Variants in SMYD3 observed in about 807,000 individuals in gnomAD.
SMYD3 encodes the protein SET and MYND domain containing 3, also known as histone-lysine N-methyltransferase SMYD3.
A neutral mutation model predicts 57.7 loss-of-function variants in SMYD3; 36 were observed. That is an observed-to-expected ratio of 0.62 (90% CI 0.48 to 0.82). The LOEUF (loss-of-function observed/expected upper bound fraction) is 0.82, where lower values mean the gene tolerates loss of function less well. Among genes scored for constraint, SMYD3 ranks in the 40% least tolerant of loss-of-function variants. The pLI, the probability that SMYD3 is intolerant of heterozygous loss-of-function variation, is 0.00. For missense variants in SMYD3, 515 were observed against 538.8 expected (o/e 0.96, Z 0.44); for synonymous variants, 211 against 195.0 (o/e 1.08, Z -0.68).
intron 8 of SMYD3, among the ~76,000 whole-genome samples, chr1:245,895,162 C>T (rs1461709828): frequency 1.7e-5 from 2 of 118,652 alleles, no homozygotes; most frequent in African/African-American, 6.6e-5. Context: ...TCAGTAACTC[C>T]CTTCCTTGAT....
chr1:246,456,163 T>C (rs1478205389), intron 1 of SMYD3, among the ~76,000 whole-genome samples: 1 of 152,188 alleles, frequency 6.6e-6, no homozygotes, highest in Admixed American at 6.5e-5. Context: ...ATTCTCCCTG[T>C]TTCTAAGCTG....
intron 5 of SMYD3, among the ~76,000 whole-genome samples, chr1:246,118,284 A>C (rs10127447): frequency 0.47 from 71,671 of 151,950 alleles, 20,855 homozygotes; most frequent in Non-Finnish European, 0.66. Context: ...TTATTCAAAG[A>C]GTGGGAAATA....
At chr1:245,906,520 G>A (rs2054573060) in intron 8 of SMYD3, among the ~76,000 whole-genome samples, 1 of 152,130 alleles carries the variant, frequency 6.6e-6, no homozygotes, top group Non-Finnish European at 1.5e-5. Context: ...TGGAGAAAAG[G>A]GAACCCTTGT....
intron 5 of SMYD3, among the ~76,000 whole-genome samples, chr1:246,012,857 G>A (rs993532313): frequency 5.3e-5 from 8 of 152,092 alleles, no homozygotes; most frequent in Non-Finnish European, 8.8e-5. Flanking sequence ...GCACACTTTG[G>A]GCAAATGACT....
chr1:245,796,185 A>G (rs1247364987), intron 10 of SMYD3, among the ~76,000 whole-genome samples: 2 of 152,240 alleles, frequency 1.3e-5, no homozygotes, highest in African/African-American at 4.8e-5. Flanking sequence ...GTTTCTTTTC[A>G]GGACTCAGAT....
chr1:246,387,065 T>C (rs1480171157), intron 1 of SMYD3, among the ~76,000 whole-genome samples: 5 of 152,154 alleles, frequency 3.3e-5, no homozygotes, highest in Non-Finnish European at 5.9e-5. Flanking sequence ...AGCAGACTGC[T>C]TTGCACACGG....
intron 5 of SMYD3, among the ~76,000 whole-genome samples, chr1:246,178,406 G>GCCC: frequency 6.6e-6 from 1 of 152,242 alleles, no homozygotes; most frequent in Non-Finnish European, 1.5e-5. Flanking sequence ...TCCTAGACCG[G>GCCC]GAGTCATTTA....
chr1:246,494,906 T>C (rs1017132000), intron 1 of SMYD3, among the ~76,000 whole-genome samples: 6 of 152,196 alleles, frequency 3.9e-5, no homozygotes, highest in African/African-American at 1.4e-4. Context: ...TTATAGATAT[T>C]ATAAGCAGTT....
chr1:245,794,610 G>A (rs778887140), intron 10 of SMYD3, among the ~76,000 whole-genome samples: 12 of 152,196 alleles, frequency 7.9e-5, no homozygotes, highest in Non-Finnish European at 1.8e-4. Context: ...CTGGTCATTC[G>A]TTCTACTCTT....
intron 10 of SMYD3, among the ~76,000 whole-genome samples, chr1:245,767,508 A>G (rs2046167162): frequency 6.6e-6 from 1 of 152,194 alleles, no homozygotes; most frequent in African/African-American, 2.4e-5. Context: ...ATATGTGTGA[A>G]ACCACACAAT....
At chr1:246,367,763 T>C (rs1391054656) in intron 1 of SMYD3, among the ~76,000 whole-genome samples, 1 of 152,142 alleles carries the variant, frequency 6.6e-6, no homozygotes, top group African/African-American at 2.4e-5. Context: ...AAGTGAGGAA[T>C]GTATCAGTCA....
intron 5 of SMYD3, among the ~76,000 whole-genome samples, chr1:246,113,212 T>G (rs1446874522): frequency 8.3e-6 from 1 of 119,894 alleles, no homozygotes; most frequent in African/African-American, 4.7e-5. Context: ...AATAAATAAA[T>G]AAATAAATAA....
intron 10 of SMYD3, among the ~76,000 whole-genome samples, chr1:245,807,813 G>GA (rs35324111): frequency 0.011 from 1,236 of 111,468 alleles, 9 homozygotes; most frequent in African/African-American, 0.012. Flanking sequence ...ATTTCCCAGG[G>GA]AAAAAAAAAA....
chr1:246,481,260 C>T (rs2068095679), intron 1 of SMYD3, among the ~76,000 whole-genome samples: 1 of 151,922 alleles, frequency 6.6e-6, no homozygotes, highest in South Asian at 2.1e-4. Flanking sequence ...CCACAAGATG[C>T]CCAGATATGT....
chr1:246,302,707 T>C (rs1194060916), intron 5 of SMYD3, among the ~76,000 whole-genome samples: 5 of 152,120 alleles, frequency 3.3e-5, no homozygotes, highest in Admixed American at 6.6e-5. Context: ...ATTACTGCGA[T>C]GTGGAAACTG....
At chr1:246,393,981 A>G (rs1468144531) in intron 1 of SMYD3, among the ~76,000 whole-genome samples, 1 of 152,258 alleles carries the variant, frequency 6.6e-6, no homozygotes. Flanking sequence ...ATTTTTCCAC[A>G]TGAATTCCAT....
intron 5 of SMYD3, among the ~76,000 whole-genome samples, chr1:246,258,338 C>A (rs12136593): frequency 6.6e-6 from 1 of 151,938 alleles, no homozygotes; most frequent in African/African-American, 2.4e-5. Context: ...CCTGGCCTCA[C>A]GTATTTCTTT....
intron 5 of SMYD3, among the ~76,000 whole-genome samples, chr1:246,272,691 T>G (rs2064245401): frequency 6.6e-6 from 1 of 152,208 alleles, no homozygotes; most frequent in African/African-American, 2.4e-5. Context: ...TTTGCTAGTA[T>G]TCTGTTGAAA....
intron 5 of SMYD3, among the ~76,000 whole-genome samples, chr1:246,137,872 G>A (rs891091807): frequency 6.6e-6 from 1 of 152,062 alleles, no homozygotes; most frequent in Non-Finnish European, 1.5e-5. Context: ...GTTTTGGAAT[G>A]GCTCTTTGGT....
Sources: allele counts gnomAD v4.1 joint callset (sites outside exome capture counted in the v4.1 genomes callset), GRCh38; gene constraint gnomAD v4.1.1; transcripts MANE v1.5; gene names NCBI Gene and HGNC (gene_info 2026-07-23, HGNC 2026-07-21).